The following THSD4 variants were observed in gnomAD, a reference collection of about 807,000 sequenced individuals.
The protein encoded by THSD4 is thrombospondin type 1 domain containing 4.
Under a neutral mutation model 119.0 loss-of-function variants are expected in THSD4, and 69 were observed. The observed-to-expected ratio is 0.58, with a 90% CI of 0.48 to 0.71. The LOEUF is 0.71. Among genes scored for constraint, THSD4 ranks in the 30% least tolerant of loss-of-function variants. The pLI is 0.00. For synonymous variants in THSD4, 524 were observed against 540.4 expected (o/e 0.97, Z 0.42); for missense variants, 1,393 against 1,391.1 (o/e 1.00, Z -0.02).
chr15:71,110,128 T>G (rs2040292787), intron 1 of THSD4: 1 of 152,172 alleles, frequency 6.6e-6, no homozygotes, highest in Non-Finnish European at 1.5e-5. Context: ...GCTCCAGTTG[T>G]CTTGGAGATT....
chr15:71,601,406 G>C (rs1168144818), intron 7 of THSD4, among the ~76,000 whole-genome samples: 2 of 152,124 alleles, frequency 1.3e-5, no homozygotes, highest in Non-Finnish European at 2.9e-5. Flanking sequence ...GCTCCCTTAT[G>C]GCCTCCATGG....
chr15:71,465,173 T>C (rs1445930258), intron 7 of THSD4, among the ~76,000 whole-genome samples: 7 of 152,238 alleles, frequency 4.6e-5, no homozygotes, highest in Admixed American at 4.6e-4. Flanking sequence ...TTTTTAAATG[T>C]ATTAATCTGT....
chr15:71,722,538 C>T (rs562625517), intron 8 of THSD4, among the ~76,000 whole-genome samples: 13 of 152,246 alleles, frequency 8.5e-5, no homozygotes, highest in African/African-American at 2.9e-4. Flanking sequence ...GCAATAAAAT[C>T]GTGGCCAGAA....
rs570674811 is a variant in THSD4, at chr15:71,234,019, T to G, written c.465-8630T>G. Reference sequence around the variant, plus strand: ...TCAAGCTGTTGGCCACCTTCCACCCTTGCTGTGGCTGCTGCTGAAATCTCT... The same window carrying G: ...TCAAGCTGTTGGCCACCTTCCACCCGTGCTGTGGCTGCTGCTGAAATCTCT... On this transcript the variant is annotated intron_variant, in intron 4 of 17. Coordinates refer to ENST00000261862, the MANE Select transcript of THSD4 (RefSeq NM_024817.3). Among the ~76,000 whole-genome samples, 17 of 152,328 alleles carry G rather than the reference T, an allele frequency of 1.1e-4. No individual in the cohort carries two copies. In the South Asian group the frequency reaches 3.3e-3, roughly 30 times the overall value.
chr15:71,111,516 C>T, upstream of THSD4: 3 of 856,748 alleles, frequency 3.5e-6, no homozygotes, highest in South Asian at 5.3e-5. Flanking sequence ...AAAATAACAG[C>T]AAGTTGACCA....
At chr15:71,361,360 A>G (rs1294857110) in intron 6 of THSD4, among the ~76,000 whole-genome samples, 1 of 152,216 alleles carries the variant, frequency 6.6e-6, no homozygotes. Context: ...AGAGAACAAA[A>G]ATGCTTCACA....
chr15:71,132,223 G>A (rs1223795448), intron 1 of THSD4, among the ~76,000 whole-genome samples: 2 of 152,028 alleles, frequency 1.3e-5, no homozygotes, highest in East Asian at 1.9e-4. Context: ...TCATTTTTTA[G>A]GAATTTATCC....
At chr15:71,329,668 T>C (rs1457563198) in intron 6 of THSD4, among the ~76,000 whole-genome samples, 1 of 152,170 alleles carries the variant, frequency 6.6e-6, no homozygotes, top group African/African-American at 2.4e-5. Flanking sequence ...GCCCTGCCCT[T>C]GTAAGCCTCG....
intron 7 of THSD4, among the ~76,000 whole-genome samples, chr15:71,449,890 C>T (rs749632411): frequency 3.3e-5 from 5 of 152,194 alleles, no homozygotes; most frequent in Admixed American, 6.5e-5. Flanking sequence ...GCTTTTACCA[C>T]AAATTCATGA....
chr15:71,541,862 G>C lies in THSD4; in HGVS notation c.1153-118668G>C, dbSNP rs567210095. On this transcript the variant is annotated intron_variant, in intron 7 of 17. Coordinates refer to ENST00000261862, the MANE Select transcript of THSD4 (RefSeq NM_024817.3). ...GAAGGTATGGAGCACAAGGACACAT[G>C]GTATTTGAGATAATTTCTTGTGGCT... Among the ~76,000 whole-genome samples the C allele has an allele frequency of 5.9e-5, 9 of 152,236 alleles. No homozygotes were observed. In the South Asian group the frequency reaches 1.9e-3, roughly 32 times the overall value.
At chr15:71,429,195 A>G (rs1331866616) in intron 7 of THSD4, among the ~76,000 whole-genome samples, 1 of 152,236 alleles carries the variant, frequency 6.6e-6, no homozygotes, top group African/African-American at 2.4e-5. Flanking sequence ...AGAATCTGAC[A>G]GCCCAGTAGC....
intron 6 of THSD4, among the ~76,000 whole-genome samples, chr15:71,303,240 C>T (rs536772158): frequency 5.3e-5 from 8 of 152,162 alleles, no homozygotes; most frequent in African/African-American, 1.7e-4. Context: ...CTCTGGGCGC[C>T]GCGCATTTGC....
chr15:71,530,550 C>G (rs2048592132), intron 7 of THSD4, among the ~76,000 whole-genome samples: 1 of 152,098 alleles, frequency 6.6e-6, no homozygotes, highest in Admixed American at 6.5e-5. Flanking sequence ...TATTTAAAAG[C>G]CCCAATCATT....
chr15:71,274,902 A>G (rs1005273661), intron 6 of THSD4, among the ~76,000 whole-genome samples: 2 of 152,146 alleles, frequency 1.3e-5, no homozygotes, highest in Non-Finnish European at 2.9e-5. Flanking sequence ...TAATGAGCAG[A>G]TTAGACTAAA....
At chr15:71,504,696 C>A (rs543791281) in intron 7 of THSD4, among the ~76,000 whole-genome samples, 44 of 152,260 alleles carry the variant, frequency 2.9e-4, no homozygotes, top group African/African-American at 1.0e-3. Context: ...TTCAGTGTCC[C>A]CTAGTGTTAA....
At chr15:71,351,867 C>G (rs1383001998) in intron 6 of THSD4, among the ~76,000 whole-genome samples, 1 of 152,210 alleles carries the variant, frequency 6.6e-6, no homozygotes, top group Admixed American at 6.5e-5. Flanking sequence ...ATTCAGAAGT[C>G]AATTACCAAA....
chr15:71,565,508 C>T (rs1377987153), intron 7 of THSD4, among the ~76,000 whole-genome samples: 1 of 152,120 alleles, frequency 6.6e-6, no homozygotes, highest in Non-Finnish European at 1.5e-5. Context: ...GTGATACAGA[C>T]AATTAGAACT....
At chr15:71,501,428 A>G (rs2048111298) in intron 7 of THSD4, among the ~76,000 whole-genome samples, 1 of 152,208 alleles carries the variant, frequency 6.6e-6, no homozygotes, top group South Asian at 2.1e-4. Flanking sequence ...AAGTGGGTTT[A>G]TCTGATTTCC....
At chr15:71,575,506 A>G (rs1373605226) in intron 7 of THSD4, among the ~76,000 whole-genome samples, 4 of 152,218 alleles carry the variant, frequency 2.6e-5, no homozygotes, top group African/African-American at 9.6e-5. Context: ...CAAGAAGAGT[A>G]CCTTCATATA....
Sources: gnomAD v4.1 joint callset for allele counts (sites outside exome capture counted in the v4.1 genomes callset) on GRCh38, gnomAD v4.1.1 for gene constraint, MANE v1.5 for transcripts, NCBI Gene and HGNC (gene_info 2026-07-23, HGNC 2026-07-21) for gene names.